NHSL1: variants seen among roughly 807,000 people sequenced by gnomAD.
NHSL1 encodes the protein NHS like 1.
NHSL1 carries 48 observed loss-of-function variants against 95.0 expected under a neutral mutation model. The observed-to-expected ratio is 0.51, with a 90% CI of 0.40 to 0.64. The LOEUF is 0.64. NHSL1 is among the 30% of genes least tolerant of loss of function. NHSL1 has a pLI of 0.00. For synonymous variants in NHSL1, 783 were observed against 833.9 expected (o/e 0.94, Z 1.05); for missense variants, 1,971 against 2,077.7 (o/e 0.95, Z 1.00).
intron 1 of NHSL1, among the ~76,000 whole-genome samples, chr6:138,524,293 C>T (rs921408559): frequency 9.2e-5 from 14 of 152,290 alleles, no homozygotes; most frequent in African/African-American, 3.1e-4. Context: ...TGCAGCTCAA[C>T]GAATTGCCAC....
upstream of NHSL1, among the ~76,000 whole-genome samples, chr6:138,693,160 T>C (rs1216442311): frequency 1.3e-5 from 2 of 151,322 alleles, no homozygotes; most frequent in Non-Finnish European, 3.0e-5. This position sits in a 1 kb window ranked among gnomAD's most constrained non-coding sequence, Gnocchi z 4.3. Flanking sequence ...CGGCTGCTCC[T>C]TCCCTCCCTC....
intron 7 of NHSL1, 99 bp downstream of exon 7, chr6:138,429,612 T>C (rs1342812731): frequency 9.1e-7 from 1 of 1,098,808 alleles, no homozygotes; most frequent in Non-Finnish European, 1.3e-6. Context: ...TATGATTGGG[T>C]GACAGAAGAA....
chr6:138,597,328 T>C (rs1013474861), intron 1 of NHSL1, among the ~76,000 whole-genome samples: 1 of 152,206 alleles, frequency 6.6e-6, no homozygotes, highest in Non-Finnish European at 1.5e-5. Context: ...GAAATGATTT[T>C]AGGAGCCTGG....
intron 3 of NHSL1, among the ~76,000 whole-genome samples, chr6:138,450,070 C>T (rs1281844710): frequency 2.0e-5 from 3 of 152,122 alleles, no homozygotes; most frequent in Non-Finnish European, 4.4e-5. Context: ...TAAAGACAAT[C>T]AAAGGAATTT....
chr6:138,589,036 A>C (rs947580320), intron 1 of NHSL1, among the ~76,000 whole-genome samples: 1 of 152,176 alleles, frequency 6.6e-6, no homozygotes, highest in Non-Finnish European at 1.5e-5. Context: ...AGGCAGAGGA[A>C]GAGAACTGGT....
intron 1 of NHSL1, among the ~76,000 whole-genome samples, chr6:138,625,188 G>C (rs1180527266): frequency 6.6e-6 from 1 of 151,948 alleles, no homozygotes; most frequent in Non-Finnish European, 1.5e-5. Context: ...CTGTTACTCA[G>C]GCTGGAGTGC....
At chr6:138,685,737 AAG>A (rs1049115378) in intron 1 of NHSL1, among the ~76,000 whole-genome samples, 20 of 151,956 alleles carry the variant, frequency 1.3e-4, no homozygotes, top group African/African-American at 4.8e-4. Flanking sequence ...TAGAGTCATG[AAG>A]AGTTTATTTC....
In NHSL1 at chr6:138,473,406, T is replaced by G; in HGVS notation, c.239A>C (p.Tyr80Ser). ...RECDKLRHDGYRSSQYYSQGP... is the reference protein window; with the variant it reads ...RECDKLRHDGSRSSQYYSQGP... ...CTGAGAGTAGTACTGAGAACTGCGG[T>G]AGCCATCATGCCGCAACTTATCGCA... Residue 80 changes from tyrosine to serine, a missense_variant, in exon 3 of 8, where the codon TAC becomes TCC. Physicochemically the swap from Tyr to Ser is moderately radical, Grantham distance 144 (BLOSUM62 -2). This residue lies in a region of NHSL1 where 1,602 missense variants were observed against 1,654.5 expected (regional missense o/e 0.97). Coordinates refer to ENST00000343505, the MANE Select transcript of NHSL1 (RefSeq NM_001144060.2). The G allele has an allele frequency of 6.6e-7, 1 of 1,523,274 alleles. No homozygotes were observed. Among genetic ancestry groups the G allele is most frequent in the Non-Finnish European group, 8.8e-7 (1 of 1,133,390 alleles). 94.4% of individuals were successfully genotyped at this position (1,523,274 alleles called of 1,614,324 possible).
chr6:138,511,392 G>T (rs950331882), intron 1 of NHSL1, among the ~76,000 whole-genome samples: 4 of 151,874 alleles, frequency 2.6e-5, no homozygotes, highest in African/African-American at 9.7e-5. Flanking sequence ...CTGAGAGAGA[G>T]AGAGAGAGTG....
chr6:138,674,626 G>A (rs1481256109), intron 1 of NHSL1, among the ~76,000 whole-genome samples: 2 of 152,118 alleles, frequency 1.3e-5, no homozygotes, highest in Admixed American at 6.5e-5. Context: ...CACTTCATCC[G>A]TGTCCCTGCA....
At position 138,542,599 on chromosome 6, in the gene NHSL1, G is replaced by A. The variant is rs73774829; in HGVS notation, c.16+3024C>T. On this transcript the variant is annotated intron_variant, in intron 1 of 4. Transcript: ENST00000342260. ...ATGGTTTGGAAATTTCTTTTAAAAAGTCTTCACCGAAGTTAGAGAAGCACT... is the reference window on the plus strand; with the variant it reads ...ATGGTTTGGAAATTTCTTTTAAAAAATCTTCACCGAAGTTAGAGAAGCACT... Among the ~76,000 whole-genome samples the A allele has an allele frequency of 4.5e-3, 686 of 152,270 alleles. 3 individuals carry two copies. Among genetic ancestry groups the A allele is most frequent in the African/African-American group, 0.016 (645 of 41,546 alleles).
At chr6:138,489,008 T>C (rs750519555) in intron 2 of NHSL1, among the ~76,000 whole-genome samples, 63 of 152,182 alleles carry the variant, frequency 4.1e-4, no homozygotes, top group Non-Finnish European at 8.7e-4. Context: ...GCGAAAGGCA[T>C]CTTGCTCATG....
intron 3 of NHSL1, among the ~76,000 whole-genome samples, chr6:138,465,178 T>C (rs1778282251): frequency 6.6e-6 from 1 of 151,874 alleles, no homozygotes; most frequent in Non-Finnish European, 1.5e-5. Flanking sequence ...CTTCATACCC[T>C]AGGCCTTCAC....
intron 1 of NHSL1, among the ~76,000 whole-genome samples, chr6:138,516,436 G>A (rs767805475): frequency 6.6e-6 from 1 of 152,132 alleles, no homozygotes; most frequent in Non-Finnish European, 1.5e-5. Flanking sequence ...GCAACTGAAC[G>A]TGCCTGAGAC....
intron 1 of NHSL1, among the ~76,000 whole-genome samples, chr6:138,605,864 T>C (rs899616717): frequency 6.6e-6 from 1 of 152,152 alleles, no homozygotes; most frequent in Non-Finnish European, 1.5e-5. Flanking sequence ...AAGGCAGAAG[T>C]GTGGTAATGT....
chr6:138,551,579 C>T (rs1469917612), intron 1 of NHSL1, among the ~76,000 whole-genome samples: 2 of 152,306 alleles, frequency 1.3e-5, no homozygotes, highest in East Asian at 1.9e-4. Context: ...TACAATACTT[C>T]TAGTTTCACC....
At chr6:138,589,627 A>T (rs1784194552) in intron 1 of NHSL1, among the ~76,000 whole-genome samples, 1 of 151,740 alleles carries the variant, frequency 6.6e-6, no homozygotes, top group Admixed American at 6.6e-5. Context: ...TTTACCCTAA[A>T]CCCTCATCTA....
intron 1 of NHSL1, among the ~76,000 whole-genome samples, chr6:138,585,800 G>A (rs757058697): frequency 7.2e-5 from 11 of 151,768 alleles, no homozygotes; most frequent in Middle Eastern, 3.4e-3. Context: ...TAATCCCAGC[G>A]CTTTGGGAGG....
At chr6:138,578,089 T>C (rs553903584) in intron 1 of NHSL1, among the ~76,000 whole-genome samples, 60 of 152,352 alleles carry the variant, frequency 3.9e-4, no homozygotes, top group African/African-American at 1.4e-3. Flanking sequence ...GGAAAAGCAC[T>C]GACTTCTCAT....
Sources: allele counts gnomAD v4.1 joint callset (sites outside exome capture counted in the v4.1 genomes callset), GRCh38; gene constraint gnomAD v4.1.1; regional missense constraint gnomAD v4.1.1; non-coding constraint Gnocchi (gnomAD v3.1); transcripts MANE v1.5; gene names NCBI Gene and HGNC (gene_info 2026-07-23, HGNC 2026-07-21).